LDLRAD4: variants seen among roughly 807,000 people sequenced by gnomAD.
The protein encoded by LDLRAD4 is low density lipoprotein receptor class A domain containing 4.
Under a neutral mutation model 17.0 loss-of-function variants are expected in LDLRAD4, and 5 were observed. The observed-to-expected ratio is 0.29, with a 90% CI of 0.15 to 0.62. LDLRAD4 has a LOEUF of 0.62. Ranked by LOEUF, LDLRAD4 falls within the 20% of genes least tolerant of loss-of-function variation. The pLI, the probability that LDLRAD4 is intolerant of heterozygous loss-of-function variation, is 0.84. For missense variants in LDLRAD4, 340 were observed against 424.7 expected, an observed-to-expected ratio of 0.80 and a Z score of 1.75; for synonymous variants, 168 against 171.8, an observed-to-expected ratio of 0.98 and a Z score of 0.17.
chr18:13,342,763 A>G (rs1568027846), intron 1 of LDLRAD4, among the ~76,000 whole-genome samples: 2 of 151,798 alleles, frequency 1.3e-5, no homozygotes, highest in Non-Finnish European at 2.9e-5. Flanking sequence ...TAGACAAAAT[A>G]TAGTTGGATT....
rs557068918 is a variant in LDLRAD4, at chr18:13,343,478, ATTG to A, written c.-382-43856_-382-43854del. 2.0e-3 allele frequency among the ~76,000 whole-genome samples: 309 copies of A among 152,006 alleles called. 2 individuals are homozygous for A. Among genetic ancestry groups the A allele is most frequent in the Admixed American group, 4.1e-3 (63 of 15,266 alleles). On this transcript the variant is annotated intron_variant, in intron 1 of 5. Transcript: ENST00000359446. Reference sequence around the variant, plus strand: ...GTGCCACATTTTCTTAATCCAGTCTATTGTTGTTGGACATTTGGGTTGGTTCTA... The same window carrying A: ...GTGCCACATTTTCTTAATCCAGTCTATTGTTGGACATTTGGGTTGGTTCTA...
chr18:13,536,620 T>A (rs375345792), intron 3 of LDLRAD4, among the ~76,000 whole-genome samples: 2 of 152,058 alleles, frequency 1.3e-5, no homozygotes, highest in Admixed American at 6.6e-5. Flanking sequence ...TTTTTTTTTT[T>A]ACTTTACTGC....
chr18:13,643,346 T>C lies in LDLRAD4; in HGVS notation c.337-13T>C. The C allele has an allele frequency of 6.8e-7, 1 of 1,461,932 alleles. No individual in the cohort carries two copies. The allele number at this position is 1,461,932 out of a possible 1,614,324, so 90.6% of individuals were successfully genotyped here. ...CTTGTTCCCCCCACTCTCCTCCCCT[T>C]CCCCTCCGCCAGGAAGGGTGCCTGT... On this transcript the variant is annotated splice_polypyrimidine_tract_variant and intron_variant, in intron 4 of 5. Coordinates refer to ENST00000359446, the Ensembl canonical transcript of LDLRAD4.
intron 1 of LDLRAD4, among the ~76,000 whole-genome samples, chr18:13,384,961 A>G (rs2085681954): frequency 6.6e-6 from 1 of 151,820 alleles, no homozygotes; most frequent in Non-Finnish European, 1.5e-5. Flanking sequence ...GTGTAGATAT[A>G]TTTTTGACAT....
intron 3 of LDLRAD4, among the ~76,000 whole-genome samples, chr18:13,459,287 A>G (rs1168761803): frequency 6.6e-6 from 1 of 150,912 alleles, no homozygotes; most frequent in Non-Finnish European, 1.5e-5. Flanking sequence ...ACAGTGAGCT[A>G]TGATTGTGCC....
At chr18:13,624,496 A>T (rs1461670014) in intron 4 of LDLRAD4, among the ~76,000 whole-genome samples, 1 of 151,840 alleles carries the variant, frequency 6.6e-6, no homozygotes. Context: ...GGAGGCCAAG[A>T]CCCCGCTGCC....
chr18:13,538,470 G>A (rs1479761395), intron 3 of LDLRAD4, among the ~76,000 whole-genome samples: 2 of 151,582 alleles, frequency 1.3e-5, no homozygotes, highest in Admixed American at 1.3e-4. Flanking sequence ...AAAAAATGCA[G>A]CTTTCCATTC....
chr18:13,611,159 C>T (rs532291513), intron 3 of LDLRAD4: 21 of 154,474 alleles, frequency 1.4e-4, no homozygotes, highest in Admixed American at 5.9e-4. Context: ...CCCCAGGTGA[C>T]GTGCTGGGCT....
chr18:13,624,586 G>T (rs1036920369), intron 4 of LDLRAD4, among the ~76,000 whole-genome samples: 3 of 152,210 alleles, frequency 2.0e-5, no homozygotes, highest in Non-Finnish European at 4.4e-5. Context: ...TCAGGCGTGG[G>T]AGCTGTAGGA....
intron 3 of LDLRAD4, among the ~76,000 whole-genome samples, chr18:13,533,947 G>T (rs538649148): frequency 8.1e-4 from 124 of 152,268 alleles, no homozygotes; most frequent in African/African-American, 2.9e-3. Context: ...TTTTAAGATT[G>T]CATTTTAACT....
chr18:13,288,216 A>T (rs1163879953), intron 1 of LDLRAD4, among the ~76,000 whole-genome samples: 1 of 152,202 alleles, frequency 6.6e-6, no homozygotes, highest in Non-Finnish European at 1.5e-5. Context: ...GTTGAATGTA[A>T]TGCAGAATGA....
chr18:13,312,981 C>T (rs971178490), intron 1 of LDLRAD4, among the ~76,000 whole-genome samples: 2 of 152,110 alleles, frequency 1.3e-5, no homozygotes, highest in African/African-American at 4.8e-5. Context: ...TCTGTTTGTG[C>T]GTGCTTTCCA....
At chr18:13,254,152 G>A (rs1216633060) in intron 1 of LDLRAD4, among the ~76,000 whole-genome samples, 1 of 152,256 alleles carries the variant, frequency 6.6e-6, no homozygotes, top group Non-Finnish European at 1.5e-5. Flanking sequence ...TGGAGCTGAG[G>A]GCTGAACACG....
At chr18:13,539,110 C>T (rs1261804339) in intron 3 of LDLRAD4, among the ~76,000 whole-genome samples, 1 of 152,168 alleles carries the variant, frequency 6.6e-6, no homozygotes, top group Non-Finnish European at 1.5e-5. Flanking sequence ...CTCTTTTTCT[C>T]AGAGTAGAGT....
intron 3 of LDLRAD4, chr18:13,614,044 A>G (rs573255467): frequency 6.6e-6 from 1 of 152,176 alleles, no homozygotes; most frequent in African/African-American, 2.4e-5. Flanking sequence ...CTTTAGCAAA[A>G]CTCCAGCACC....
chr18:13,454,931 C>T (rs913960623), intron 3 of LDLRAD4, among the ~76,000 whole-genome samples: 4 of 152,258 alleles, frequency 2.6e-5, no homozygotes, highest in Non-Finnish European at 5.9e-5. Flanking sequence ...GGATCACCTG[C>T]GGCGGGAGCA....
chr18:13,378,390 T>C (rs1239493549), intron 1 of LDLRAD4, among the ~76,000 whole-genome samples: 1 of 152,120 alleles, frequency 6.6e-6, no homozygotes, highest in Non-Finnish European at 1.5e-5. Flanking sequence ...TGTGCCATCT[T>C]TCGTTCTCAG....
intron 3 of LDLRAD4, among the ~76,000 whole-genome samples, chr18:13,497,800 A>G (rs2093501828): frequency 6.6e-6 from 1 of 152,266 alleles, no homozygotes; most frequent in African/African-American, 2.4e-5. Flanking sequence ...GGGAGTGAGG[A>G]GCCAGCGAAA....
rs1468177194 is a variant in LDLRAD4, at chr18:13,450,323, CCCA to C, written c.181+11942_181+11944del. 3.6e-3 allele frequency among the ~76,000 whole-genome samples: 227 copies of C among 63,408 alleles called. 7 individuals are homozygous for C. The highest frequency in any genetic ancestry group is 0.014 in the African/African-American group (221 of 16,054). The allele number at this position is 63,408 out of a possible 152,430, so 41.6% of individuals were successfully genotyped here. On this transcript the variant is annotated intron_variant, in intron 3 of 5. Coordinates refer to ENST00000359446, the Ensembl canonical transcript of LDLRAD4. ...GGCCAGTGCAGTTAGCTTCTCTCCC[CCCA>C]CCCCCCCCCCCAAAAAAACACACAA...
Sources: gnomAD v4.1 joint callset for allele counts (sites outside exome capture counted in the v4.1 genomes callset) on GRCh38, gnomAD v4.1.1 for gene constraint, MANE v1.5 for transcripts, NCBI Gene and HGNC (gene_info 2026-07-23, HGNC 2026-07-21) for gene names.